The following CNTNAP2 variants were observed in gnomAD, a reference collection of about 807,000 sequenced individuals.
The protein encoded by CNTNAP2 is contactin associated protein 2.
CNTNAP2 carries 98 observed loss-of-function variants against 155.2 expected under a neutral mutation model. The observed-to-expected ratio is 0.63, with a 90% CI of 0.54 to 0.75. The LOEUF (loss-of-function observed/expected upper bound fraction) is 0.75, where lower values mean the gene tolerates loss of function less well. Ranked by LOEUF, CNTNAP2 falls within the 30% of genes least tolerant of loss-of-function variation. CNTNAP2 has a pLI of 0.00. For missense variants in CNTNAP2, 1,727 were observed against 1,688.1 expected, an observed-to-expected ratio of 1.02 and a Z score of -0.40; for synonymous variants, 651 against 631.2, an observed-to-expected ratio of 1.03 and a Z score of -0.47.
At chr7:147,591,398 A>C (rs772499242) in intron 12 of CNTNAP2, among the ~76,000 whole-genome samples, 2 of 152,168 alleles carry the variant, frequency 1.3e-5, no homozygotes, top group Non-Finnish European at 2.9e-5. Flanking sequence ...CAGTTGGATT[A>C]GATGAAGGCT....
intron 21 of CNTNAP2, among the ~76,000 whole-genome samples, chr7:148,327,858 C>T (rs1054779386): frequency 2.0e-5 from 3 of 152,168 alleles, no homozygotes; most frequent in African/African-American, 7.2e-5. Flanking sequence ...CGCCCCCACC[C>T]CTTTCTCATG....
At chr7:146,935,925 A>G (rs1436150221) in intron 3 of CNTNAP2, among the ~76,000 whole-genome samples, 1 of 152,206 alleles carries the variant, frequency 6.6e-6, no homozygotes, top group African/African-American at 2.4e-5. Flanking sequence ...CCCGATAGTC[A>G]TAATAGAAGT....
At chr7:147,702,556 A>G (rs1174139420) in intron 13 of CNTNAP2, among the ~76,000 whole-genome samples, 1 of 151,992 alleles carries the variant, frequency 6.6e-6, no homozygotes, top group Non-Finnish European at 1.5e-5. Flanking sequence ...ACAGAATGCG[A>G]GTTCTGTAAC....
At chr7:146,741,952 G>T (rs1337823259) in intron 1 of CNTNAP2, among the ~76,000 whole-genome samples, 1 of 151,894 alleles carries the variant, frequency 6.6e-6, no homozygotes, top group Non-Finnish European at 1.5e-5. Flanking sequence ...GGCATGAAGT[G>T]ATTAACTTTG....
intron 12 of CNTNAP2, among the ~76,000 whole-genome samples, chr7:147,637,421 G>A (rs558682795): frequency 6.6e-6 from 1 of 152,226 alleles, no homozygotes; most frequent in South Asian, 2.1e-4. Context: ...TGACTCCTGG[G>A]TTTTGTCTTG....
chr7:146,800,323 G>A (rs574753199), intron 2 of CNTNAP2, among the ~76,000 whole-genome samples: 10 of 152,240 alleles, frequency 6.6e-5, no homozygotes, highest in Admixed American at 4.6e-4. Context: ...ACCCACTGCT[G>A]TAGATGCCTG....
rs13237606 is a variant in CNTNAP2, at chr7:146,968,352, T to C, written c.403-75555T>C. On this transcript the variant is annotated intron_variant, in intron 3 of 23. Transcript: ENST00000361727. ...AATGAGTTAGGGAGGATTCCCTCTT[T>C]TTCTATTGATTGGAATAGTTTCAGA... Among the ~76,000 whole-genome samples the C allele has an allele frequency of 2.6e-3, 389 of 152,028 alleles. 1 individual carries two copies. Among genetic ancestry groups the C allele is most frequent in the Non-Finnish European group, 3.8e-3 (256 of 67,920 alleles).
intron 1 of CNTNAP2, among the ~76,000 whole-genome samples, chr7:146,373,433 CTT>C (rs1448292550): frequency 2.7e-4 from 41 of 151,534 alleles, no homozygotes; most frequent in African/African-American, 9.9e-4. Flanking sequence ...CACACACACA[CTT>C]AGGCATGAGG....
chr7:146,350,431 C>G (rs1418757282), intron 1 of CNTNAP2, among the ~76,000 whole-genome samples: 1 of 152,106 alleles, frequency 6.6e-6, no homozygotes, highest in African/African-American at 2.4e-5. Flanking sequence ...TGAAAAAATG[C>G]TCATCATCAC....
intron 1 of CNTNAP2, among the ~76,000 whole-genome samples, chr7:146,757,159 A>C (rs991441500): frequency 6.6e-6 from 1 of 152,122 alleles, no homozygotes; most frequent in Admixed American, 6.6e-5. Context: ...TTGTGTTATG[A>C]AGGTAGCAGT....
intron 3 of CNTNAP2, among the ~76,000 whole-genome samples, chr7:147,010,743 T>G (rs4598172): frequency 0.55 from 83,772 of 151,938 alleles, 24,107 homozygotes; most frequent in African/African-American, 0.69. Flanking sequence ...AGCGCAGAAG[T>G]AATGATGGAA....
chr7:147,375,361 G>A (rs1253518852), intron 9 of CNTNAP2, among the ~76,000 whole-genome samples: 1 of 151,946 alleles, frequency 6.6e-6, no homozygotes, highest in Non-Finnish European at 1.5e-5. Flanking sequence ...TTGTGTTACT[G>A]CAAATTACTG....
intron 1 of CNTNAP2, among the ~76,000 whole-genome samples, chr7:146,647,177 G>C (rs1799826782): frequency 6.6e-6 from 1 of 152,122 alleles, no homozygotes; most frequent in African/African-American, 2.4e-5. Flanking sequence ...GAGGAATCCA[G>C]CAATGCTACA....
chr7:146,141,233 T>G (rs1476907802), intron 1 of CNTNAP2, among the ~76,000 whole-genome samples: 1 of 152,220 alleles, frequency 6.6e-6, no homozygotes, highest in Non-Finnish European at 1.5e-5. Flanking sequence ...CGTTGTTATA[T>G]TGAAGGTGAT....
chr7:146,656,583 CAG>C (rs1312918586), intron 1 of CNTNAP2, among the ~76,000 whole-genome samples: 2 of 152,068 alleles, frequency 1.3e-5, no homozygotes, highest in Non-Finnish European at 2.9e-5. Flanking sequence ...CCCAAACAGA[CAG>C]GGGCTGAGTG....
rs1798051220 is a variant in CNTNAP2, at chr7:147,462,977, A to G, written c.1671-22958A>G. Among the ~76,000 whole-genome samples the G allele has an allele frequency of 2.0e-5, 3 of 152,232 alleles. 1 individual carries two copies. In the South Asian group the frequency reaches 6.2e-4, roughly 31 times the overall value. On this transcript the variant is annotated intron_variant, in intron 10 of 23. Transcript: ENST00000361727. ...AATAACAAAATGGTAAAACTGTTTT[A>G]TTTGAATTAACACATTATTAAATGG...
intron 15 of CNTNAP2, among the ~76,000 whole-genome samples, chr7:148,030,568 A>G (rs1444586052): frequency 6.6e-6 from 1 of 152,084 alleles, no homozygotes; most frequent in Non-Finnish European, 1.5e-5. Flanking sequence ...TAAGTTTTTA[A>G]AAATATATAT....
chr7:147,108,034 A>G, intron 4 of CNTNAP2, 113 bp from the exon 5 acceptor site: 1 of 948,438 alleles, frequency 1.1e-6, no homozygotes, highest in Non-Finnish European at 1.6e-6. Flanking sequence ...AGGACTGTCA[A>G]TTTCTCAAGA....
At chr7:146,320,291 G>A (rs191634234) in intron 1 of CNTNAP2, among the ~76,000 whole-genome samples, 113 of 152,076 alleles carry the variant, frequency 7.4e-4, no homozygotes, top group African/African-American at 2.7e-3. Context: ...TTTCTGTTTT[G>A]TGTGGTGTCC....
Sources: gnomAD v4.1 joint callset for allele counts (sites outside exome capture counted in the v4.1 genomes callset) on GRCh38, gnomAD v4.1.1 for gene constraint, MANE v1.5 for transcripts, NCBI Gene and HGNC (gene_info 2026-07-23, HGNC 2026-07-21) for gene names.